The following KDM5B variants were observed in gnomAD, a reference collection of about 807,000 sequenced individuals.
The protein encoded by KDM5B is lysine-specific demethylase 5B.
Under a neutral mutation model 193.4 loss-of-function variants are expected in KDM5B, and 144 were observed. The ratio of observed to expected loss-of-function variants is 0.74; its 90% CI spans 0.65 to 0.86. KDM5B has a LOEUF of 0.86. Ranked by LOEUF, KDM5B falls within the 40% of genes least tolerant of loss-of-function variation. The pLI, the probability that KDM5B is intolerant of heterozygous loss-of-function variation, is 0.00. For missense variants in KDM5B, 1,833 were observed against 1,886.9 expected (o/e 0.97, Z 0.53); for synonymous variants, 668 against 682.6 (o/e 0.98, Z 0.33).
intron 1 of KDM5B, among the ~76,000 whole-genome samples, chr1:202,793,494 G>A (rs1657722537): frequency 6.6e-6 from 1 of 152,130 alleles, no homozygotes; most frequent in African/African-American, 2.4e-5. Flanking sequence ...ATGTAAAGAA[G>A]GGCTGATATT....
rs1655066825 is a variant in KDM5B, at chr1:202,735,720, T to C, written c.3265-133A>G. 22 of 769,598 alleles carry C rather than the reference T, an allele frequency of 2.9e-5. No homozygotes were observed. In the Middle Eastern group the frequency reaches 9.5e-4, roughly 33 times the overall value. The allele number at this position is 769,598 out of a possible 1,614,324, so 47.7% of individuals were successfully genotyped here. Reference sequence around the variant, plus strand: ...AGTATTGAAGATTTTCTTTGGAACATGCAACCCTGAGGCTCTCCTTTACAA... The same window carrying C: ...AGTATTGAAGATTTTCTTTGGAACACGCAACCCTGAGGCTCTCCTTTACAA... On this transcript the variant is annotated intron_variant, in intron 21 of 26. Coordinates refer to ENST00000367265, the MANE Select transcript of KDM5B (RefSeq NM_006618.5).
intron 14 of KDM5B, among the ~76,000 whole-genome samples, chr1:202,747,089 C>T (rs1655589019): frequency 6.6e-6 from 1 of 152,110 alleles, no homozygotes; most frequent in African/African-American, 2.4e-5. Flanking sequence ...GAATGCCAGT[C>T]GTTTATGAAC....
chr1:202,779,835 AT>A (rs1245720214), intron 1 of KDM5B, among the ~76,000 whole-genome samples: 27 of 150,728 alleles, frequency 1.8e-4, no homozygotes, highest in African/African-American at 2.9e-4. Context: ...AAATAAATAA[AT>A]AAATAAATAA....
At chr1:202,752,473 A>G (rs1229977941) in intron 12 of KDM5B, among the ~76,000 whole-genome samples, 1 of 152,226 alleles carries the variant, frequency 6.6e-6, no homozygotes, top group Non-Finnish European at 1.5e-5. Flanking sequence ...TCACATGACA[A>G]CAAAATCACC....
chr1:202,778,954 C>A (rs1657078280), intron 1 of KDM5B, among the ~76,000 whole-genome samples: 1 of 152,006 alleles, frequency 6.6e-6, no homozygotes, highest in African/African-American at 2.4e-5. Flanking sequence ...GGAAGATTTT[C>A]CCTATATATG....
At position 202,733,674 on chromosome 1, in the gene KDM5B, G is replaced by A. The variant is rs766146782; in HGVS notation, c.3636C>T (p.Gly1212=). ...AATGGGGACAAAGCCAGATTCGCAG[G>A]CCCTGTGAAATACTGGGTACCGCCA... ...SCVAVPSISQ[G]LRIWLCPHCR... The change falls in exon 23 of 27, where the codon GGC becomes GGT. Residue 1212 remains glycine (G), a synonymous_variant. Coordinates refer to ENST00000367265, the MANE Select transcript of KDM5B (RefSeq NM_006618.5). 7 of 1,614,130 alleles carry A rather than the reference G, an allele frequency of 4.3e-6. No homozygotes were observed. The highest frequency in any genetic ancestry group is 1.1e-5 in the South Asian group (1 of 91,076).
intron 7 of KDM5B, among the ~76,000 whole-genome samples, chr1:202,760,835 A>C (rs528519297): frequency 6.6e-6 from 1 of 152,304 alleles, no homozygotes; most frequent in African/African-American, 2.4e-5. Context: ...TTATTTAAAG[A>C]CCTAGTTTTT....
intron 1 of KDM5B, among the ~76,000 whole-genome samples, chr1:202,786,356 C>T (rs1353880074): frequency 1.3e-5 from 2 of 152,046 alleles, no homozygotes; most frequent in Non-Finnish European, 2.9e-5. Flanking sequence ...GATTTCCATG[C>T]TTAAAGAGCT....
At position 202,755,311 on chromosome 1, in the gene KDM5B, T is replaced by A; in HGVS notation, c.1498A>T (p.Ile500Phe). The A allele has an allele frequency of 6.2e-7, 1 of 1,614,172 alleles. No individual in the cohort carries two copies. The highest frequency in any genetic ancestry group is 8.5e-7 in the Non-Finnish European group (1 of 1,180,008). The stretch of plus-strand genomic sequence containing the variant: ...ATTGAATAGCTCCAGTGGTCTTCAA[T>A]GTGCCAACAGAATGAAGAAAAGCAC... ...GMCFSSFCWH[I>F]EDHWSYSINY... The change falls in exon 11 of 27, where the codon ATT (isoleucine) becomes TTT (phenylalanine). Residue 500 changes from isoleucine to phenylalanine, a missense_variant. This residue lies in a region of KDM5B where 1,379 missense variants were observed against 1,349.6 expected (regional missense o/e 1.02). Transcript: ENST00000367265.
In KDM5B at chr1:202,736,349, A is replaced by C; in HGVS notation, c.3128T>G (p.Val1043Gly). 4.3e-6 allele frequency: 7 copies of C among 1,611,700 alleles called. No individual in the cohort carries two copies. Among genetic ancestry groups the C allele is most frequent in the Non-Finnish European group, 5.9e-6 (7 of 1,178,856 alleles). Reference protein sequence around the residue: ...VPVLDTLIELVTRGRSIPVHL... With the variant: ...VPVLDTLIELGTRGRSIPVHL... ...TACGGGGATAGATCGGCCTCGTGTA[A>C]CAAGTTCTATGAGTGTGTCTAACAC... Residue 1043 changes from valine to glycine, a missense_variant, in exon 21 of 27, where the codon GTT becomes GGT. By Grantham distance (109) the Val-to-Gly change is moderately radical (BLOSUM62 -3). Coordinates refer to ENST00000367265, the MANE Select transcript of KDM5B (RefSeq NM_006618.5).
At chr1:202,751,939 T>C (rs1255177057) in intron 12 of KDM5B, among the ~76,000 whole-genome samples, 19 of 152,168 alleles carry the variant, frequency 1.2e-4, no homozygotes, top group Admixed American at 1.2e-3. Flanking sequence ...GATGGTGAGA[T>C]TGTGGTGCTT....
At position 202,733,897 on chromosome 1, in the gene KDM5B, G is replaced by T. The variant is rs759225214; in HGVS notation, c.3424-11C>A. On this transcript the variant is annotated splice_polypyrimidine_tract_variant and intron_variant, in intron 22 of 26. Transcript: ENST00000367265. ...CCCAAGAGTTGCCATCTGAAAAAGA[G>T]TTAACAATCAAGGATGATGTCCGAG... 28 of 1,598,322 alleles carry T rather than the reference G, an allele frequency of 1.8e-5. No homozygotes were observed. The South Asian group carries it at 2.7e-4, about 16-fold the overall frequency.
intron 3 of KDM5B, 65 bp from the exon 4 acceptor site, chr1:202,773,353 C>T (rs1172799053): frequency 5.1e-6 from 7 of 1,380,392 alleles, no homozygotes; most frequent in African/African-American, 1.4e-5. Flanking sequence ...CTAAGTATGA[C>T]TCCAAGGGGA....
intron 1 of KDM5B, among the ~76,000 whole-genome samples, chr1:202,794,636 G>T (rs61820989): frequency 6.6e-6 from 1 of 152,208 alleles, no homozygotes; most frequent in East Asian, 1.9e-4. Flanking sequence ...ATACCATTGG[G>T]GAGTGTCTTA....
At chr1:202,783,387 C>T (rs1418472976) in intron 1 of KDM5B, among the ~76,000 whole-genome samples, 2 of 151,844 alleles carry the variant, frequency 1.3e-5, no homozygotes, top group Non-Finnish European at 2.9e-5. Flanking sequence ...CACCTGTAGT[C>T]CCAGCTAATC....
In KDM5B at chr1:202,753,669, T is replaced by G. The variant is rs1472757619; in HGVS notation, c.1539-602A>C. ...ATTTCTCTTTTGTTGTTGTTGTTTTTTTTTTGTTTTTTTTTTTTGAGACTG... is the reference window on the plus strand; with the variant it reads ...ATTTCTCTTTTGTTGTTGTTGTTTTGTTTTTGTTTTTTTTTTTTGAGACTG... On this transcript the variant is annotated intron_variant, in intron 11 of 26. Coordinates refer to ENST00000367265, the MANE Select transcript of KDM5B (RefSeq NM_006618.5). Among the ~76,000 whole-genome samples, 210 of 112,658 alleles carry G rather than the reference T, an allele frequency of 1.9e-3. 2 individuals are homozygous for G. The highest frequency in any genetic ancestry group is 3.7e-3 in the Non-Finnish European group (180 of 48,176). The allele number at this position is 112,658 out of a possible 152,430, so 73.9% of individuals were successfully genotyped here.
intron 20 of KDM5B, among the ~76,000 whole-genome samples, chr1:202,737,606 A>T (rs976338764): frequency 6.6e-6 from 1 of 152,184 alleles, no homozygotes; most frequent in Non-Finnish European, 1.5e-5. Flanking sequence ...GCATTATATT[A>T]AAAAAATGTT....
At chr1:202,786,201 G>T (rs1276668133) in intron 1 of KDM5B, among the ~76,000 whole-genome samples, 2 of 114,072 alleles carry the variant, frequency 1.8e-5, no homozygotes, top group Non-Finnish European at 3.7e-5. Context: ...TGGGGGGGGG[G>T]GTCTCACTAT....
At chr1:202,748,218 C>A (rs190479784) in intron 14 of KDM5B, among the ~76,000 whole-genome samples, 8 of 152,158 alleles carry the variant, frequency 5.3e-5, no homozygotes, top group Non-Finnish European at 2.9e-5. Context: ...AAAAAATGAA[C>A]CTTGACTCAT....
Sources: gnomAD v4.1 joint callset for allele counts (sites outside exome capture counted in the v4.1 genomes callset) on GRCh38, gnomAD v4.1.1 for gene constraint, gnomAD v4.1.1 regional missense constraint, MANE v1.5 for transcripts, NCBI Gene and HGNC (gene_info 2026-07-23, HGNC 2026-07-21) for gene names.